Variants in FXYD7 observed in about 807,000 individuals in gnomAD.
FXYD7 encodes the protein FXYD domain containing ion transport regulator 7.
FXYD7 carries 7 observed loss-of-function variants against 15.3 expected under a neutral mutation model. The observed-to-expected ratio is 0.46, with a 90% confidence interval of 0.26 to 0.86. The LOEUF is 0.86. Among genes scored for constraint, FXYD7 ranks in the 40% least tolerant of loss-of-function variants. The pLI, the probability that FXYD7 is intolerant of heterozygous loss-of-function variation, is 0.16. For synonymous variants in FXYD7, 39 were observed against 39.3 expected (o/e 0.99, Z 0.03); for missense variants, 78 against 100.6 (o/e 0.78, Z 0.96).
chr19:35,143,518 C>T lies in FXYD7; in HGVS notation c.31+154C>T, dbSNP rs1568404431. ...GGCGGAAGCCCCTGTAATGCGCCCC[C>T]CCGATCGCCCCTCCGGGTCTCTGGG... On this transcript the variant is annotated intron_variant, in intron 1 of 5. Transcript: ENST00000270310. The surrounding 1 kb of genome is among the most constrained non-coding windows in gnomAD (Gnocchi z 4.3). 6.6e-6 allele frequency among the ~76,000 whole-genome samples: 1 copy of T among 152,230 alleles called. No homozygotes were observed. Among genetic ancestry groups the T allele is most frequent in the Non-Finnish European group, 1.5e-5 (1 of 68,042 alleles).
chr19:35,151,778 G>C lies in FXYD7; in HGVS notation c.220+105G>C, dbSNP rs150824677. On this transcript the variant is annotated intron_variant, in intron 5 of 5. Coordinates refer to ENST00000270310, the MANE Select transcript of FXYD7 (RefSeq NM_022006.2). ...GATGGACTGGACGCAGGGGGCGGAG[G>C]GGGGGTGGTGCCTGCAGATATCACA... The C allele has an allele frequency of 1.2e-4, 92 of 780,714 alleles. 2 individuals carry two copies. The highest frequency in any genetic ancestry group is 8.3e-4 in the South Asian group (61 of 73,118). 48.4% of individuals were successfully genotyped at this position (780,714 alleles called of 1,614,324 possible). A position where few individuals can be genotyped will look rare whatever the true frequency, so the allele number is the denominator to read the frequency against.
intron 1 of FXYD7, among the ~76,000 whole-genome samples, chr19:35,146,544 T>G (rs2065289536): frequency 6.6e-6 from 1 of 152,140 alleles, no homozygotes; most frequent in East Asian, 1.9e-4. Flanking sequence ...GAAATGGGGA[T>G]GAAGATCGCA....
intron 2 of FXYD7, among the ~76,000 whole-genome samples, chr19:35,150,209 T>G (rs2065304679): frequency 6.6e-6 from 1 of 152,140 alleles, no homozygotes; most frequent in South Asian, 2.1e-4. Context: ...ATTACAGGCA[T>G]GAGCCACTGT....
intron 5 of FXYD7, among the ~76,000 whole-genome samples, chr19:35,152,501 G>A (rs1472335332): frequency 6.6e-6 from 1 of 152,116 alleles, no homozygotes; most frequent in Non-Finnish European, 1.5e-5. Context: ...GAAGGTTTCT[G>A]AATAGTTGCA....
At chr19:35,153,603 A>G (rs2065324885) in intron 5 of FXYD7, among the ~76,000 whole-genome samples, 1 of 152,106 alleles carries the variant, frequency 6.6e-6, no homozygotes. Flanking sequence ...GCAAATGGGA[A>G]GGGAGATGGG....
At chr19:35,151,710 T>A in intron 5 of FXYD7, 37 bp downstream of exon 5, 1 of 1,548,470 alleles carries the variant, frequency 6.5e-7, no homozygotes, top group Non-Finnish European at 8.9e-7. Context: ...GGGAGAGTTT[T>A]AGGTGGGGCA....
At chr19:35,147,652 C>G (rs2065293143) in intron 1 of FXYD7, among the ~76,000 whole-genome samples, 1 of 152,110 alleles carries the variant, frequency 6.6e-6, no homozygotes. Context: ...ACAGGGAAAA[C>G]TATTACAAAC....
intron 5 of FXYD7, among the ~76,000 whole-genome samples, chr19:35,152,815 T>C (rs2065316911): frequency 6.6e-6 from 1 of 151,792 alleles, no homozygotes; most frequent in African/African-American, 2.4e-5. Context: ...CTGATCTCTT[T>C]GAGGCTGTTA....
chr19:35,151,301 T>G lies in FXYD7; in HGVS notation c.109T>G (p.Phe37Val). 6.2e-7 allele frequency: 1 copy of G among 1,610,774 alleles called. No individual in the cohort carries two copies. The change falls in exon 3 of 6, where the codon TTC becomes GTC. Residue 37 changes from phenylalanine to valine, a missense_variant. Coordinates refer to ENST00000270310, the MANE Select transcript of FXYD7 (RefSeq NM_022006.2). ...GGGCATGACTCTGGCAACCATCTTG[T>G]TCCTGCTGGGTATCCTCATCGTCAT... is the stretch of plus-strand genomic sequence containing the variant. Reference protein sequence around the residue: ...TVGMTLATILFLLGILIVISK... With the variant: ...TVGMTLATILVLLGILIVISK...
At chr19:35,145,937 C>G (rs1198875455) in intron 1 of FXYD7, among the ~76,000 whole-genome samples, 1 of 151,966 alleles carries the variant, frequency 6.6e-6, no homozygotes, top group Non-Finnish European at 1.5e-5. Context: ...TCTGCTACAC[C>G]CAGCTAATTT....
intron 5 of FXYD7, among the ~76,000 whole-genome samples, chr19:35,152,940 T>TAAAAAAAA (rs534802680): frequency 9.4e-6 from 1 of 105,912 alleles, no homozygotes; most frequent in African/African-American, 3.4e-5. Context: ...TTCTTATAAC[T>TAAAAAAAA]AAAAAAAAAA....
intron 5 of FXYD7, among the ~76,000 whole-genome samples, chr19:35,152,302 A>G (rs1370196464): frequency 6.6e-6 from 1 of 151,880 alleles, no homozygotes; most frequent in Admixed American, 6.6e-5. Context: ...AAGCCAGGAC[A>G]AGCTGATTTG....
At chr19:35,150,270 G>T (rs2065304897) in intron 2 of FXYD7, among the ~76,000 whole-genome samples, 1 of 152,062 alleles carries the variant, frequency 6.6e-6, no homozygotes, top group African/African-American at 2.4e-5. Context: ...GGTGGTGTGT[G>T]CCTGTAGTCT....
intron 1 of FXYD7, among the ~76,000 whole-genome samples, chr19:35,146,973 A>G (rs970361685): frequency 6.6e-6 from 1 of 152,190 alleles, no homozygotes; most frequent in Admixed American, 6.5e-5. Context: ...ACCTCTATCA[A>G]TCAGTTTCAG....
At chr19:35,150,567 G>A (rs186413941) in intron 2 of FXYD7, among the ~76,000 whole-genome samples, 1 of 152,178 alleles carries the variant, frequency 6.6e-6, no homozygotes, top group Non-Finnish European at 1.5e-5. Context: ...AGACACTGGT[G>A]AGGGAAGGAG....
At chr19:35,153,810 G>C (rs2065326267) in intron 5 of FXYD7, 84 bp from the exon 6 acceptor site, 6 of 1,306,544 alleles carry the variant, frequency 4.6e-6, no homozygotes, top group Non-Finnish European at 6.6e-6. Context: ...CTTCCATGGT[G>C]CCGGGGAATG....
intron 1 of FXYD7, among the ~76,000 whole-genome samples, chr19:35,144,049 G>C (rs1386014119): frequency 6.6e-6 from 1 of 151,836 alleles, no homozygotes; most frequent in Non-Finnish European, 1.5e-5. Context: ...GAGATGCAGA[G>C]AGAGAGAGAA....
intron 2 of FXYD7, chr19:35,149,619 C>T (rs889651304): frequency 1.3e-5 from 2 of 154,316 alleles, no homozygotes; most frequent in East Asian, 3.8e-4. Flanking sequence ...CATATCTCAA[C>T]AAATACTTAG....
chr19:35,145,427 G>A (rs558347624), intron 1 of FXYD7, among the ~76,000 whole-genome samples: 1 of 152,328 alleles, frequency 6.6e-6, no homozygotes, highest in Admixed American at 6.5e-5. Context: ...TGGGACAGGG[G>A]CTCACCCAGT....
Sources: gnomAD v4.1 joint callset for allele counts (sites outside exome capture counted in the v4.1 genomes callset) on GRCh38, gnomAD v4.1.1 for gene constraint, Gnocchi (gnomAD v3.1) non-coding constraint, MANE v1.5 for transcripts, NCBI Gene and HGNC (gene_info 2026-07-23, HGNC 2026-07-21) for gene names.